ZNF705A: variants seen among roughly 807,000 people sequenced by gnomAD.
The protein encoded by ZNF705A is zinc finger protein 705A.
A neutral mutation model predicts 16.6 loss-of-function variants in ZNF705A; 8 were observed. That is an observed-to-expected ratio of 0.48 (90% CI 0.28 to 0.87). The LOEUF is 0.87. ZNF705A is among the 40% of genes least tolerant of loss of function. ZNF705A has a pLI of 0.10. For missense variants in ZNF705A, 233 were observed against 359.9 expected, an observed-to-expected ratio of 0.65 and a Z score of 2.85; for synonymous variants, 73 against 117.3, an observed-to-expected ratio of 0.62 and a Z score of 2.44.
intron 1 of ZNF705A, among the ~76,000 whole-genome samples, chr12:8,161,667 G>T (rs4331180): frequency 0.49 from 74,863 of 151,932 alleles, 18,831 homozygotes; most frequent in South Asian, 0.6. Flanking sequence ...GCAACAGGTG[G>T]AAAGGTTAAA....
exon 4 of ZNF705A, chr12:8,175,940 A>T: frequency 2.5e-6 from 4 of 1,611,492 alleles, no homozygotes; most frequent in East Asian, 2.2e-5. Context: ...CAGTATGACA[A>T]TGGTAAGTTT....
At chr12:8,171,116 T>C (rs1435282311), upstream of ZNF705A, among the ~76,000 whole-genome samples, 3 of 152,240 alleles carry the variant, frequency 2.0e-5, no homozygotes, top group Non-Finnish European at 4.4e-5. Flanking sequence ...AAATAAATTA[T>C]AATCAGCAGG....
chr12:8,160,965 T>C (rs1235399105), intron 1 of ZNF705A, among the ~76,000 whole-genome samples: 3 of 152,160 alleles, frequency 2.0e-5, no homozygotes, highest in Admixed American at 2.0e-4. Context: ...TGTGGGTTTG[T>C]CATAGATGGC....
intron 2 of ZNF705A, 132 bp downstream of exon 3, chr12:8,174,584 G>C: frequency 6.4e-7 from 1 of 1,551,842 alleles, no homozygotes; most frequent in Non-Finnish European, 8.6e-7. Context: ...TCTGAAAAAA[G>C]TTTGAACTTT....
exon 5 of ZNF705A, chr12:8,179,256 C>T (rs903605519): frequency 1.1e-4 from 16 of 152,156 alleles, no homozygotes; most frequent in African/African-American, 3.4e-4. Context: ...TGAGTTATTA[C>T]ACAGAGACAG....
chr12:8,159,496 C>A (rs890169833), intron 1 of ZNF705A, among the ~76,000 whole-genome samples: 1 of 152,100 alleles, frequency 6.6e-6, no homozygotes. Flanking sequence ...TTCTTTATGG[C>A]CATTCTTTCA....
upstream of ZNF705A, among the ~76,000 whole-genome samples, chr12:8,169,222 T>A (rs1242781625): frequency 6.6e-6 from 1 of 152,240 alleles, no homozygotes; most frequent in Non-Finnish European, 1.5e-5. Flanking sequence ...TAAAAATAAA[T>A]ATTTTGTTTC....
upstream of ZNF705A, among the ~76,000 whole-genome samples, chr12:8,169,915 C>A (rs1041679389): frequency 6.6e-5 from 10 of 152,116 alleles, no homozygotes; most frequent in African/African-American, 2.4e-4. Flanking sequence ...CTGGGCCGGG[C>A]ACGGTGGCTC....
intron 1 of ZNF705A, among the ~76,000 whole-genome samples, chr12:8,159,117 C>T (rs1184494154): frequency 2.0e-5 from 3 of 152,150 alleles, no homozygotes; most frequent in African/African-American, 7.2e-5. Flanking sequence ...CCAGTCTCAT[C>T]CACGTCCCTG....
chr12:8,176,354 G>A (rs180842410), intron 4 of ZNF705A, among the ~76,000 whole-genome samples: 43 of 152,270 alleles, frequency 2.8e-4, no homozygotes, highest in African/African-American at 1.0e-3. Context: ...GCACCCAGGG[G>A]ACAGGTGTAT....
chr12:8,157,179 G>T, intron 1 of ZNF705A, 87 bp downstream of exon 1: 1 of 395,508 alleles, frequency 2.5e-6, no homozygotes, highest in Non-Finnish European at 4.5e-6. Flanking sequence ...TTCCATGTAA[G>T]TCCTGCTGCT....
chr12:8,177,691 G>A, exon 5 of ZNF705A: 1 of 1,508,896 alleles, frequency 6.6e-7, no homozygotes, highest in Non-Finnish European at 8.9e-7. Context: ...ACGCTGGAGA[G>A]AAAATTATAA....
chr12:8,157,135 C>A, intron 1 of ZNF705A, 43 bp downstream of exon 1: 1 of 397,308 alleles, frequency 2.5e-6, no homozygotes, highest in South Asian at 1.3e-4. Flanking sequence ...GTTCTAATGT[C>A]CACATTCCTA....
chr12:8,162,002 ATTTTAAAATATGAGGCTATCTTG>A (rs1418594890), intron 1 of ZNF705A, among the ~76,000 whole-genome samples: 1 of 152,180 alleles, frequency 6.6e-6, no homozygotes, highest in African/African-American at 2.4e-5. Context: ...TGAATCAAGA[ATTTTAAAATATGAGGCTATCTTG>A]TTAGAAAAAG....
Position 8,177,266 on chromosome 12 carries a change from G to A in ZNF705A, c.586G>A (p.Gly196Arg), listed in dbSNP as rs1234622601. Residue 196 changes from glycine (G) to arginine (R), a missense_variant, in exon 5 of 5, where the codon GGA (glycine) becomes AGA (arginine). By Grantham distance (125) the Gly-to-Arg change is moderately radical (BLOSUM62 -2). Transcript: ENST00000359286. Reference sequence around the variant, plus strand: ...TAGACGGCACAAGATGACTCACACTGGAGAGAGGCCATATGCATGTCATCT... The same window carrying A: ...TAGACGGCACAAGATGACTCACACTAGAGAGAGGCCATATGCATGTCATCT... 3 of 1,611,532 alleles carry A rather than the reference G, an allele frequency of 1.9e-6. No individual in the cohort carries two copies. In the East Asian group the frequency reaches 6.7e-5, roughly 36 times the overall value.
At chr12:8,172,663 T>A (rs772815665) in intron 1 of ZNF705A, 26 bp downstream of exon 2, 7 of 1,596,264 alleles carry the variant, frequency 4.4e-6, no homozygotes, top group Non-Finnish European at 5.9e-6. Context: ...TTCTTTCTAC[T>A]GAAATTATAC....
chr12:8,176,899 G>T lies in ZNF705A; in HGVS notation c.319-100G>T, dbSNP rs1387680554. On this transcript the variant is annotated intron_variant, in intron 4 of 4. Transcript: ENST00000359286. ...AAACATTGGAAAGCTTTCAACTGGG[G>T]TCTACCACTGAATGTTTGGTCTAGG... The T allele has an allele frequency of 3.3e-6, 5 of 1,526,228 alleles. No homozygotes were observed. The East Asian group carries it at 6.8e-5, about 21-fold the overall frequency. 94.5% of individuals were successfully genotyped at this position (1,526,228 alleles called of 1,614,324 possible). A position where few individuals can be genotyped will look rare whatever the true frequency, so the allele number is the denominator to read the frequency against.
chr12:8,177,623 C>T lies in ZNF705A; in HGVS notation c.*40C>T, dbSNP rs376844149. ...CACTGGAGAAAAGCCATATGAATGC[C>T]ATTTATGTGGGAAAGCCTTCAGTCA... is the stretch of plus-strand genomic sequence containing the variant. On this transcript the variant is annotated 3_prime_UTR_variant, in exon 5 of 5. Coordinates refer to ENST00000359286, the Ensembl canonical transcript of ZNF705A. 9 of 1,576,954 alleles carry T rather than the reference C, an allele frequency of 5.7e-6. No homozygotes were observed. The African/African-American group carries it at 1.1e-4, about 19-fold the overall frequency.
In ZNF705A at chr12:8,177,752, G is replaced by A. The variant is rs780368914; in HGVS notation, c.*169G>A. 6.0e-4 allele frequency: 668 copies of A among 1,114,384 alleles called. 3 individuals are homozygous for A. In the African/African-American group the frequency reaches 7.8e-3, roughly 13 times the overall value. The allele number at this position is 1,114,384 out of a possible 1,614,324, so 69.0% of individuals were successfully genotyped here. ...TAGATGACACTGTGTTAGGAATGACGAAGGTAAGGAATGTGGAAGAGACTT... is the reference window on the plus strand; with the variant it reads ...TAGATGACACTGTGTTAGGAATGACAAAGGTAAGGAATGTGGAAGAGACTT... On this transcript the variant is annotated 3_prime_UTR_variant, in exon 5 of 5. Transcript: ENST00000359286.
Sources: allele counts gnomAD v4.1 joint callset (sites outside exome capture counted in the v4.1 genomes callset), GRCh38; gene constraint gnomAD v4.1.1; transcripts MANE v1.5; gene names NCBI Gene and HGNC (gene_info 2026-07-23, HGNC 2026-07-21).